The following MATN2 variants were observed in gnomAD, a reference collection of about 807,000 sequenced individuals.
MATN2 encodes matrilin-2.
Under a neutral mutation model 103.2 loss-of-function variants are expected in MATN2, and 69 were observed. That is an observed-to-expected ratio of 0.67 (90% confidence interval 0.55 to 0.82). The LOEUF is 0.82. MATN2 is among the 40% of genes least tolerant of loss of function. MATN2 has a pLI of 0.00. For synonymous variants in MATN2, 429 were observed against 450.2 expected (o/e 0.95, Z 0.60); for missense variants, 1,023 against 1,211.5 (o/e 0.84, Z 2.31).
intron 3 of MATN2, among the ~76,000 whole-genome samples, chr8:97,936,939 A>AT (rs1383060046): frequency 2.0e-5 from 3 of 151,916 alleles, no homozygotes; most frequent in South Asian, 2.1e-4. Context: ...CAGGAATTCC[A>AT]TTTTTTTCTA....
intron 13 of MATN2, among the ~76,000 whole-genome samples, chr8:98,021,607 T>C (rs1184964967): frequency 2.6e-5 from 4 of 151,954 alleles, no homozygotes; most frequent in African/African-American, 9.7e-5. Context: ...TGCTCTGCTC[T>C]GTGCTGGAGA....
intron 10 of MATN2, among the ~76,000 whole-genome samples, chr8:98,012,364 C>G (rs1359006837): frequency 1.3e-5 from 2 of 152,060 alleles, no homozygotes; most frequent in Admixed American, 6.6e-5. Context: ...GGGAGCACCC[C>G]CTAGTCTAGA....
chr8:97,997,978 C>T (rs1049998331), intron 7 of MATN2, among the ~76,000 whole-genome samples: 2 of 151,588 alleles, frequency 1.3e-5, no homozygotes, highest in Non-Finnish European at 2.9e-5. Flanking sequence ...CACCATCATG[C>T]CTGACTAGTT....
Position 98,033,127 on chromosome 8 carries a change from C to A in MATN2, c.2667C>A (p.Asp889Glu), listed in dbSNP as rs1350501893. 2 of 1,610,618 alleles carry A rather than the reference C, an allele frequency of 1.2e-6. No homozygotes were observed. Among genetic ancestry groups the A allele is most frequent in the Admixed American group, 3.4e-5 (2 of 59,552 alleles). The change falls in exon 17 of 19, where the codon GAC becomes GAA. Residue 889 changes from aspartate to glutamate, a missense_variant. Transcript: ENST00000254898. ...AVQHRYLFEE[D>E]NLLRSTQKLS... ...AACACAGATATCTGTTTGAAGAAGA[C>A]AATCTTTTACGGTCTACACAAAAGC...
chr8:98,030,688 A>C, intron 15 of MATN2, 74 bp downstream of exon 15: 1 of 1,411,222 alleles, frequency 7.1e-7, no homozygotes, highest in Non-Finnish European at 9.8e-7. Flanking sequence ...TTTGAGATGG[A>C]GTCTCACTCT....
intron 2 of MATN2, among the ~76,000 whole-genome samples, chr8:97,906,150 C>A (rs1021139085): frequency 2.6e-5 from 4 of 152,162 alleles, no homozygotes; most frequent in Non-Finnish European, 4.4e-5. Flanking sequence ...TACATTCCCA[C>A]CAGCAGTACA....
At chr8:97,934,609 G>A (rs1586063078) in intron 3 of MATN2, among the ~76,000 whole-genome samples, 1 of 152,188 alleles carries the variant, frequency 6.6e-6, no homozygotes, top group Non-Finnish European at 1.5e-5. Flanking sequence ...GGACATGCCT[G>A]GAGAAAAGGA....
intron 11 of MATN2, among the ~76,000 whole-genome samples, chr8:98,017,277 C>A (rs1185426043): frequency 6.6e-6 from 1 of 152,226 alleles, no homozygotes. Context: ...TAGCACAAAT[C>A]CCTCCCAAAG....
intron 2 of MATN2, among the ~76,000 whole-genome samples, chr8:97,910,278 G>A (rs983076448): frequency 1.3e-5 from 2 of 151,654 alleles, no homozygotes; most frequent in African/African-American, 2.4e-5. Context: ...GGCTGGTCTC[G>A]AACTCCTGAC....
intron 6 of MATN2, among the ~76,000 whole-genome samples, chr8:97,990,214 C>T (rs962034112): frequency 1.4e-5 from 2 of 146,366 alleles, no homozygotes; most frequent in African/African-American, 2.5e-5. Flanking sequence ...ACAAGCCACT[C>T]AATAAAAATG....
chr8:97,991,397 G>A (rs888728975), intron 6 of MATN2, among the ~76,000 whole-genome samples: 14 of 152,300 alleles, frequency 9.2e-5, no homozygotes, highest in Admixed American at 7.8e-4. Flanking sequence ...GGGACTACAG[G>A]CAGGTGCCAC....
rs187362934 is a variant in MATN2, at chr8:97,977,710, G to A, written c.959-1176G>A. 1.3e-3 allele frequency among the ~76,000 whole-genome samples: 191 copies of A among 152,142 alleles called. 1 individual carries two copies. The highest frequency in any genetic ancestry group is 4.2e-3 in the African/African-American group (176 of 41,524). On this transcript the variant is annotated intron_variant, in intron 5 of 18. Transcript: ENST00000254898. ...AAGCTGAGGTCCTTGCATGGCCCAT[G>A]GGTCCCTCCTGACTGCCCCCTTCTC...
At chr8:97,896,035 A>G (rs1323863739) in intron 2 of MATN2, among the ~76,000 whole-genome samples, 1 of 152,148 alleles carries the variant, frequency 6.6e-6, no homozygotes, top group Admixed American at 6.5e-5. Context: ...TGTGTAGACC[A>G]TAGAATGCCC....
chr8:97,876,183 T>C (rs1818062421), intron 1 of MATN2, among the ~76,000 whole-genome samples: 1 of 142,742 alleles, frequency 7.0e-6, no homozygotes, highest in Non-Finnish European at 1.5e-5. Flanking sequence ...GGCTAATTAT[T>C]GTATTTTTTT....
In MATN2 at chr8:98,002,593, C is replaced by T. The variant is rs919582297; in HGVS notation, c.1205-1068C>T. ...TCTTGGAAGGAGGTAGGCTGGGGAGCGTGGCTCTCACCCCAGCTCTCAGCT... is the reference window on the plus strand; with the variant it reads ...TCTTGGAAGGAGGTAGGCTGGGGAGTGTGGCTCTCACCCCAGCTCTCAGCT... On this transcript the variant is annotated intron_variant, in intron 7 of 18. Coordinates refer to ENST00000254898, the MANE Select transcript of MATN2 (RefSeq NM_002380.5). Among the ~76,000 whole-genome samples, 8 of 152,274 alleles carry T rather than the reference C, an allele frequency of 5.3e-5. No homozygotes were observed. In the South Asian group the frequency reaches 1.0e-3, roughly 20 times the overall value.
At chr8:97,869,491 C>G (rs1817821826) in intron 1 of MATN2, among the ~76,000 whole-genome samples, 2 of 152,186 alleles carry the variant, frequency 1.3e-5, no homozygotes, top group South Asian at 2.1e-4. Context: ...CGGCGCTGCC[C>G]GACCCCTCGG....
At chr8:97,898,175 C>A (rs138939656) in intron 2 of MATN2, among the ~76,000 whole-genome samples, 3 of 152,280 alleles carry the variant, frequency 2.0e-5, no homozygotes. Flanking sequence ...TTATCCCTTC[C>A]GTGAGTGACA....
intron 3 of MATN2, among the ~76,000 whole-genome samples, chr8:97,937,834 C>T (rs949204171): frequency 2.0e-5 from 3 of 152,064 alleles, no homozygotes; most frequent in African/African-American, 7.2e-5. Flanking sequence ...TCACCTCAGC[C>T]TCCCAAAGTG....
At chr8:98,016,468 T>C in intron 10 of MATN2, 72 bp from the exon 11 acceptor site, 1 of 1,353,866 alleles carries the variant, frequency 7.4e-7, no homozygotes, top group South Asian at 1.3e-5. Context: ...AAATGTCTTT[T>C]ATGATTGAAT....
Sources: gnomAD v4.1 joint callset for allele counts (sites outside exome capture counted in the v4.1 genomes callset) on GRCh38, gnomAD v4.1.1 for gene constraint, MANE v1.5 for transcripts, NCBI Gene and HGNC (gene_info 2026-07-23, HGNC 2026-07-21) for gene names.